PLCB4: variants seen among roughly 807,000 people sequenced by gnomAD.
PLCB4 encodes the protein phospholipase C beta 4.
A neutral mutation model predicts 178.8 loss-of-function variants in PLCB4; 77 were observed. The ratio of observed to expected loss-of-function variants is 0.43; its 90% confidence interval spans 0.36 to 0.52. PLCB4 has a LOEUF of 0.52. PLCB4 is among the 20% of genes least tolerant of loss of function. PLCB4 has a pLI of 0.00. For synonymous variants in PLCB4, 496 were observed against 490.8 expected, an observed-to-expected ratio of 1.01 and a Z score of -0.14; for missense variants, 1,024 against 1,453.4, an observed-to-expected ratio of 0.70 and a Z score of 4.80.
chr20:9,110,531 A>G (rs1238749030), intron 2 of PLCB4, among the ~76,000 whole-genome samples: 1 of 152,146 alleles, frequency 6.6e-6, no homozygotes, highest in Non-Finnish European at 1.5e-5. Flanking sequence ...ATAAACAGGA[A>G]ATTAGTGAGG....
intron 2 of PLCB4, among the ~76,000 whole-genome samples, chr20:9,140,965 T>C (rs1056377315): frequency 3.3e-5 from 5 of 152,090 alleles, no homozygotes; most frequent in African/African-American, 1.2e-4. Flanking sequence ...TTTCAGGGAA[T>C]ATAAGGACAT....
chr20:9,180,109 A>G (rs771114019), intron 2 of PLCB4, among the ~76,000 whole-genome samples: 1 of 152,192 alleles, frequency 6.6e-6, no homozygotes, highest in South Asian at 2.1e-4. Context: ...TCATGATGAA[A>G]TCTCTCACTG....
At chr20:9,372,505 T>G in intron 11 of PLCB4, 102 bp downstream of exon 11, 2 of 570,428 alleles carry the variant, frequency 3.5e-6, no homozygotes. Context: ...GTTGGTAGCA[T>G]CTAGGAATAT....
chr20:9,248,550 A>C (rs1260203709), intron 3 of PLCB4, among the ~76,000 whole-genome samples: 1 of 152,240 alleles, frequency 6.6e-6, no homozygotes, highest in Admixed American at 6.5e-5. Context: ...AGAAATAAAA[A>C]GGGCCAGCAG....
intron 2 of PLCB4, among the ~76,000 whole-genome samples, chr20:9,194,624 C>T (rs918115156): frequency 1.5e-5 from 2 of 137,534 alleles, no homozygotes; most frequent in African/African-American, 2.7e-5. Flanking sequence ...ACCCGGGAGG[C>T]GGAGCTTGCA....
chr20:9,192,514 T>C (rs1292223811), intron 2 of PLCB4, among the ~76,000 whole-genome samples: 11 of 151,764 alleles, frequency 7.2e-5, no homozygotes, highest in Admixed American at 3.3e-4. Flanking sequence ...TGTCAGAGTC[T>C]TGAATTTTTT....
At chr20:9,264,488 G>GT in intron 3 of PLCB4, among the ~76,000 whole-genome samples, 1 of 152,106 alleles carries the variant, frequency 6.6e-6, no homozygotes, top group African/African-American at 2.4e-5. Flanking sequence ...TCTCTCAATG[G>GT]GGCCCTTCTG....
At chr20:9,382,091 G>A (rs1227339524) in intron 13 of PLCB4, among the ~76,000 whole-genome samples, 1 of 152,130 alleles carries the variant, frequency 6.6e-6, no homozygotes, top group African/African-American at 2.4e-5. Context: ...CCCTAGATAT[G>A]TTCCTTTCAA....
At chr20:9,377,622 CATGCTT>C (rs1468043749) in intron 12 of PLCB4, among the ~76,000 whole-genome samples, 4 of 152,156 alleles carry the variant, frequency 2.6e-5, no homozygotes, top group African/African-American at 9.7e-5. Context: ...GTCTGCACTT[CATGCTT>C]ATTTGCTGCG....
intron 3 of PLCB4, among the ~76,000 whole-genome samples, chr20:9,257,525 G>T (rs569999851): frequency 6.6e-6 from 1 of 152,214 alleles, no homozygotes; most frequent in East Asian, 1.9e-4. Context: ...TCTGAAAACT[G>T]CAGTAAGAAA....
chr20:9,087,442 G>T (rs1217720063), intron 1 of PLCB4, among the ~76,000 whole-genome samples: 1 of 151,438 alleles, frequency 6.6e-6, no homozygotes, highest in East Asian at 1.9e-4. Flanking sequence ...TTTTTTGGCA[G>T]ATCCTATAGC....
chr20:9,423,602 A>T, intron 27 of PLCB4, 146 bp from the exon 28 acceptor site: 1 of 648,208 alleles, frequency 1.5e-6, no homozygotes, highest in Non-Finnish European at 2.8e-6. Context: ...CATGCAGTAC[A>T]TTTTGGGGAA....
At chr20:9,184,695 G>A (rs915719959) in intron 2 of PLCB4, among the ~76,000 whole-genome samples, 5 of 149,820 alleles carry the variant, frequency 3.3e-5, no homozygotes, top group East Asian at 2.0e-4. Flanking sequence ...ATAAAACATC[G>A]CCACTATGAA....
intron 2 of PLCB4, among the ~76,000 whole-genome samples, chr20:9,186,687 G>A (rs1228529639): frequency 6.6e-6 from 1 of 152,164 alleles, no homozygotes; most frequent in East Asian, 1.9e-4. Context: ...TTCCAGTGGT[G>A]TGGTCCAGGT....
chr20:9,107,101 C>T (rs751353466), intron 2 of PLCB4, among the ~76,000 whole-genome samples: 4 of 152,108 alleles, frequency 2.6e-5, no homozygotes, highest in South Asian at 4.1e-4. Flanking sequence ...CAATCTTGTC[C>T]CTGTCCCTTC....
Position 9,459,760 on chromosome 20 carries a change from C to T in PLCB4, c.3198C>T (p.Leu1066=). Residue 1066 remains leucine (L), a synonymous_variant, in exon 35 of 40, where the codon CTC becomes CTT. Coordinates refer to ENST00000378473, the MANE Select transcript of PLCB4 (RefSeq NM_001377142.1). Reference sequence around the variant, plus strand: ...AGTGTGAGCTGCTGAAAAAGCTACTCATCAATGCCCACGAGCAGCAAACCC... The same window carrying T: ...AGTGTGAGCTGCTGAAAAAGCTACTTATCAATGCCCACGAGCAGCAAACCC... ...SQQCELLKKL[L]INAHEQQTQQ... 1.2e-6 allele frequency: 2 copies of T among 1,613,172 alleles called. No individual in the cohort carries two copies. Among genetic ancestry groups the T allele is most frequent in the South Asian group, 1.1e-5 (1 of 91,012 alleles).
In PLCB4 at chr20:9,461,451, G is replaced by A. The variant is rs573198408; in HGVS notation, c.3248+1641G>A. 1.5e-4 allele frequency among the ~76,000 whole-genome samples: 23 copies of A among 152,286 alleles called. No homozygotes were observed. The South Asian group carries it at 4.8e-3, about 32-fold the overall frequency. On this transcript the variant is annotated intron_variant, in intron 35 of 39. Coordinates refer to ENST00000378473, the MANE Select transcript of PLCB4 (RefSeq NM_001377142.1). Reference sequence around the variant, plus strand: ...AGAAGTGTGAGCCAAAGCAGGGTGGGGTGTCACCTCACCCAGGAAGCACAA... The same window carrying A: ...AGAAGTGTGAGCCAAAGCAGGGTGGAGTGTCACCTCACCCAGGAAGCACAA...
chr20:9,125,996 G>T (rs1039177047), intron 2 of PLCB4, among the ~76,000 whole-genome samples: 1 of 152,102 alleles, frequency 6.6e-6, no homozygotes, highest in South Asian at 2.1e-4. Flanking sequence ...CCAGAAAAGG[G>T]GACAAATTTG....
chr20:9,256,396 A>T (rs1419573218), intron 3 of PLCB4, among the ~76,000 whole-genome samples: 1 of 152,246 alleles, frequency 6.6e-6, no homozygotes, highest in Non-Finnish European at 1.5e-5. Flanking sequence ...AGCAAGGAGA[A>T]AAAAAGAAAG....
Sources: gnomAD v4.1 joint callset for allele counts (sites outside exome capture counted in the v4.1 genomes callset) on GRCh38, gnomAD v4.1.1 for gene constraint, MANE v1.5 for transcripts, NCBI Gene and HGNC (gene_info 2026-07-23, HGNC 2026-07-21) for gene names.